REDIC1: variants seen among roughly 807,000 people sequenced by gnomAD.
REDIC1 encodes HEI10 Interacting Protein 1.
the REDIC1 span, among the ~76,000 whole-genome samples, chr12:39,838,169 G>T: frequency 4.8e-3 from 718 of 149,566 alleles, 8 homozygotes; most frequent in African/African-American, 0.017. Flanking sequence ...CCATAAAAAA[G>T]GATGAGTTCA....
At chr12:39,701,948 G>A in the REDIC1 span, among the ~76,000 whole-genome samples, 4 of 151,940 alleles carry the variant, frequency 2.6e-5, no homozygotes, top group African/African-American at 4.8e-5. Context: ...CAGTGTGTAG[G>A]GGGAAATTTC....
the REDIC1 span, among the ~76,000 whole-genome samples, chr12:39,658,739 A>G: frequency 6.6e-6 from 1 of 151,996 alleles, no homozygotes; most frequent in African/African-American, 2.4e-5. Context: ...CTGTTTTATT[A>G]TTGATTGCTT....
the REDIC1 span, among the ~76,000 whole-genome samples, chr12:39,767,591 T>A: frequency 6.6e-6 from 1 of 152,074 alleles, no homozygotes; most frequent in Non-Finnish European, 1.5e-5. Flanking sequence ...GATGGTATCT[T>A]CTTCCAACAG....
the REDIC1 span, among the ~76,000 whole-genome samples, chr12:39,882,648 C>A: frequency 2.6e-5 from 4 of 152,158 alleles, no homozygotes; most frequent in South Asian, 2.1e-4. Context: ...ACCAAGAAAG[C>A]GTGAGCAATC....
chr12:39,800,557 C>T, the REDIC1 span, among the ~76,000 whole-genome samples: 1 of 105,390 alleles, frequency 9.5e-6, no homozygotes, highest in South Asian at 3.9e-4. Flanking sequence ...TATCATCTCA[C>T]ACCAGTTAGA....
At chr12:39,733,430 T>C in the REDIC1 span, among the ~76,000 whole-genome samples, 3 of 152,212 alleles carry the variant, frequency 2.0e-5, no homozygotes, top group South Asian at 2.1e-4. Flanking sequence ...GGATCTTCTT[T>C]GATATCTTCA....
chr12:39,859,489 A>T, the REDIC1 span, among the ~76,000 whole-genome samples: 1 of 152,080 alleles, frequency 6.6e-6, no homozygotes, highest in Admixed American at 6.6e-5. Context: ...ACCTCTGCAG[A>T]TGACCCTGGT....
the REDIC1 span, among the ~76,000 whole-genome samples, chr12:39,726,183 T>G: frequency 6.6e-6 from 1 of 152,038 alleles, no homozygotes; most frequent in Non-Finnish European, 1.5e-5. Context: ...TTAATTATAC[T>G]TCAAGTTCCG....
the REDIC1 span, among the ~76,000 whole-genome samples, chr12:39,801,751 G>A: frequency 1.4e-4 from 21 of 152,270 alleles, no homozygotes; most frequent in African/African-American, 5.1e-4. Flanking sequence ...AAAGGAAAGG[G>A]CGGGCTTAGA....
the REDIC1 span, among the ~76,000 whole-genome samples, chr12:39,792,288 G>A: frequency 6.7e-6 from 1 of 148,216 alleles, no homozygotes; most frequent in African/African-American, 2.5e-5. Context: ...GAAAACCTAG[G>A]CATTACCATT....
chr12:39,672,654 C>T, the REDIC1 span, among the ~76,000 whole-genome samples: 1 of 152,096 alleles, frequency 6.6e-6, no homozygotes, highest in Non-Finnish European at 1.5e-5. Flanking sequence ...GGGCAGTCTT[C>T]CTGGTGTGCT....
chr12:39,844,879 T>C, the REDIC1 span, among the ~76,000 whole-genome samples: 2 of 152,056 alleles, frequency 1.3e-5, no homozygotes, highest in Admixed American at 6.6e-5. Context: ...AAGGATTCTG[T>C]CTCCAACAGA....
chr12:39,744,815 A>AAAT, the REDIC1 span, among the ~76,000 whole-genome samples: 1 of 152,238 alleles, frequency 6.6e-6, no homozygotes, highest in Non-Finnish European at 1.5e-5. Context: ...CAAGGGAAAC[A>AAAT]AATAGAAAAC....
At chr12:39,880,345 A>G in the REDIC1 span, among the ~76,000 whole-genome samples, 1,545 of 152,346 alleles carry the variant, frequency 0.01, 7 homozygotes, top group South Asian at 0.035. Context: ...CTTAAGAACT[A>G]TTTTTAAAAA....
the REDIC1 span, among the ~76,000 whole-genome samples, chr12:39,680,809 A>G: frequency 6.6e-6 from 1 of 151,828 alleles, no homozygotes; most frequent in Admixed American, 6.6e-5. Context: ...CTCACACTCC[A>G]TGGAATTCTA....
At chr12:39,822,815 T>A in the REDIC1 span, among the ~76,000 whole-genome samples, 1 of 152,214 alleles carries the variant, frequency 6.6e-6, no homozygotes, top group African/African-American at 2.4e-5. Context: ...GAAAGGTAGT[T>A]AAATATATTA....
chr12:39,895,825 TATGCGTGTATATGCACAC>T, the REDIC1 span, among the ~76,000 whole-genome samples: 20 of 102,974 alleles, frequency 1.9e-4, 7 homozygotes, highest in East Asian at 1.6e-3. Context: ...CACACATGTA[TATGCGTGTATATGCACAC>T]ACATATGTAT....
chr12:39,683,773 T>C, the REDIC1 span, among the ~76,000 whole-genome samples: 1 of 151,948 alleles, frequency 6.6e-6, no homozygotes. Context: ...CGCCAGAATG[T>C]CAATTTATTA....
chr12:39,656,604 C>T, the REDIC1 span, among the ~76,000 whole-genome samples: 1 of 152,104 alleles, frequency 6.6e-6, no homozygotes, highest in Non-Finnish European at 1.5e-5. Context: ...GTAAAACAGG[C>T]TCAGGCAGGG....
Sources: gnomAD v4.1 joint callset for allele counts (sites outside exome capture counted in the v4.1 genomes callset) on GRCh38, gnomAD v4.1.1 for gene constraint, MANE v1.5 for transcripts, NCBI Gene and HGNC (gene_info 2026-07-23, HGNC 2026-07-21) for gene names.